OCA2: variants seen among roughly 807,000 people sequenced by gnomAD.
OCA2 encodes OCA2 melanosomal transmembrane protein, also known as P protein.
OCA2 carries 77 observed loss-of-function variants against 100.2 expected under a neutral mutation model. That is an observed-to-expected ratio of 0.77 (90% CI 0.64 to 0.93). OCA2 has a LOEUF of 0.93. Among genes scored for constraint, OCA2 ranks in the 40% least tolerant of loss-of-function variants. The pLI is 0.00. For missense variants in OCA2, 1,062 were observed against 1,089.1 expected, an observed-to-expected ratio of 0.98 and a Z score of 0.35; for synonymous variants, 432 against 439.2, an observed-to-expected ratio of 0.98 and a Z score of 0.21.
the OCA2 span, among the ~76,000 whole-genome samples, chr15:27,743,429 G>A: frequency 0.018 from 2,773 of 152,272 alleles, 34 homozygotes; most frequent in Non-Finnish European, 0.025. Flanking sequence ...TGCTTATCAA[G>A]GGTCCCTCGT....
chr15:27,909,292 A>G (rs544847177), intron 19 of OCA2, among the ~76,000 whole-genome samples: 2 of 152,350 alleles, frequency 1.3e-5, no homozygotes, highest in Admixed American at 1.3e-4. Flanking sequence ...TTCTCAGATT[A>G]AATTAATTAA....
chr15:27,737,631 CAG>C, the OCA2 span, among the ~76,000 whole-genome samples: 2 of 152,170 alleles, frequency 1.3e-5, no homozygotes, highest in African/African-American at 4.8e-5. Flanking sequence ...AAAAGGCAAA[CAG>C]TAGAATTTCT....
the OCA2 span, among the ~76,000 whole-genome samples, chr15:27,728,702 G>C: frequency 6.6e-6 from 1 of 152,268 alleles, no homozygotes; most frequent in South Asian, 2.1e-4. Context: ...GGCATTGTTA[G>C]AAAGAGGAAG....
intron 19 of OCA2, among the ~76,000 whole-genome samples, chr15:27,878,370 A>G (rs1261789898): frequency 6.6e-6 from 1 of 152,172 alleles, no homozygotes; most frequent in Non-Finnish European, 1.5e-5. Flanking sequence ...CAGAAATTCC[A>G]TTAACATGTC....
intron 2 of OCA2, among the ~76,000 whole-genome samples, chr15:28,056,976 C>A (rs922553176): frequency 1.1e-4 from 16 of 152,216 alleles, no homozygotes; most frequent in Non-Finnish European, 2.2e-4. Flanking sequence ...CCTCTCAGGC[C>A]CCCCTCCTAG....
intron 12 of OCA2, among the ~76,000 whole-genome samples, chr15:27,986,072 C>T (rs1437515183): frequency 6.6e-6 from 1 of 152,210 alleles, no homozygotes; most frequent in African/African-American, 2.4e-5. Flanking sequence ...ATTAGCAGGG[C>T]ATGGTACATG....
chr15:27,922,655 A>G (rs184138068), intron 19 of OCA2, among the ~76,000 whole-genome samples: 1 of 151,368 alleles, frequency 6.6e-6, no homozygotes, highest in East Asian at 1.9e-4. Flanking sequence ...CATTCATGAC[A>G]TAGCTTTTGT....
chr15:27,723,104 A>C, the OCA2 span, among the ~76,000 whole-genome samples: 7 of 151,994 alleles, frequency 4.6e-5, no homozygotes, highest in African/African-American at 1.7e-4. Context: ...CACCCTCCCA[A>C]AGTGTTGGGA....
intron 18 of OCA2, among the ~76,000 whole-genome samples, chr15:27,935,807 C>T (rs2039429823): frequency 6.6e-6 from 1 of 152,166 alleles, no homozygotes; most frequent in Admixed American, 6.5e-5. Context: ...CTATTTGAAA[C>T]CTTGTCATCT....
At chr15:27,960,524 T>C (rs1446866668) in intron 15 of OCA2, among the ~76,000 whole-genome samples, 1 of 152,212 alleles carries the variant, frequency 6.6e-6, no homozygotes, top group Admixed American at 6.5e-5. Flanking sequence ...TTATTGTTCC[T>C]TAGTAACCTT....
chr15:28,025,031 T>C, intron 4 of OCA2, 129 bp from the exon 5 acceptor site: 1 of 852,928 alleles, frequency 1.2e-6, no homozygotes, highest in Non-Finnish European at 2.0e-6. Context: ...CATAACATGA[T>C]ATGAGGGAGA....
intron 19 of OCA2, among the ~76,000 whole-genome samples, chr15:27,903,043 G>C (rs1420796818): frequency 6.6e-6 from 1 of 152,208 alleles, no homozygotes; most frequent in Non-Finnish European, 1.5e-5. Context: ...CGCAAGGAAG[G>C]AGGCCAAGGG....
intron 18 of OCA2, among the ~76,000 whole-genome samples, chr15:27,946,146 C>T (rs976092535): frequency 1.3e-5 from 2 of 152,058 alleles, no homozygotes; most frequent in African/African-American, 4.8e-5. Flanking sequence ...ATCCAAAATT[C>T]AGTATGCTCA....
intron 15 of OCA2, among the ~76,000 whole-genome samples, chr15:27,958,914 C>T (rs181433067): frequency 2.6e-5 from 4 of 152,070 alleles, no homozygotes; most frequent in African/African-American, 4.8e-5. Flanking sequence ...GGTGATCACC[C>T]GAAGACCTGG....
intron 19 of OCA2, among the ~76,000 whole-genome samples, chr15:27,904,775 C>T (rs1201062034): frequency 1.3e-5 from 2 of 151,942 alleles, no homozygotes; most frequent in African/African-American, 4.9e-5. Context: ...CCTCCTCAAG[C>T]TTGCCTGGGT....
chr15:28,034,750 C>A (rs930461785), intron 2 of OCA2, among the ~76,000 whole-genome samples: 1 of 152,004 alleles, frequency 6.6e-6, no homozygotes, highest in African/African-American at 2.4e-5. Context: ...GCACTCCAGC[C>A]TAGACAACAG....
chr15:27,795,601 C>T (rs1425873366), intron 23 of OCA2, among the ~76,000 whole-genome samples: 4 of 152,238 alleles, frequency 2.6e-5, no homozygotes, highest in African/African-American at 4.8e-5. Flanking sequence ...TCTTCAACAA[C>T]CATCTCTCTA....
intron 23 of OCA2, among the ~76,000 whole-genome samples, chr15:27,778,966 G>C (rs1398162923): frequency 1.3e-5 from 2 of 152,242 alleles, no homozygotes; most frequent in African/African-American, 4.8e-5. Flanking sequence ...GATATGGTTA[G>C]ATAGCATTAT....
chr15:27,972,878 A>ATTTTTTTTTT (rs1371933501), intron 14 of OCA2, among the ~76,000 whole-genome samples: 1 of 36,544 alleles, frequency 2.7e-5, no homozygotes, highest in African/African-American at 5.5e-5. Context: ...ATTTTATTTT[A>ATTTTTTTTTT]TTTTTGTGAC....
Sources: allele counts gnomAD v4.1 joint callset (sites outside exome capture counted in the v4.1 genomes callset), GRCh38; gene constraint gnomAD v4.1.1; transcripts MANE v1.5; gene names NCBI Gene and HGNC (gene_info 2026-07-23, HGNC 2026-07-21).